The following NCKAP5 variants were observed in gnomAD, a reference collection of about 807,000 sequenced individuals.
NCKAP5 encodes NCK associated protein 5.
Under a neutral mutation model 167.0 loss-of-function variants are expected in NCKAP5, and 92 were observed. The observed-to-expected ratio is 0.55, with a 90% CI of 0.47 to 0.66. The LOEUF (loss-of-function observed/expected upper bound fraction) is 0.66, where lower values mean the gene tolerates loss of function less well. Among genes scored for constraint, NCKAP5 ranks in the 30% least tolerant of loss-of-function variants. NCKAP5 has a pLI of 0.00. For missense variants in NCKAP5, 2,378 were observed against 2,315.0 expected (o/e 1.03, Z -0.56); for synonymous variants, 891 against 877.4 (o/e 1.02, Z -0.27).
intron 6 of NCKAP5, among the ~76,000 whole-genome samples, chr2:133,000,243 T>C (rs948220763): frequency 3.9e-5 from 6 of 152,148 alleles, no homozygotes; most frequent in Non-Finnish European, 7.4e-5. Flanking sequence ...AGAAATTGTG[T>C]CGATTTAAGA....
the NCKAP5 span, among the ~76,000 whole-genome samples, chr2:133,616,479 G>A: frequency 9.8e-3 from 1,478 of 150,924 alleles, 18 homozygotes; most frequent in Admixed American, 0.015. Flanking sequence ...TATCACCACC[G>A]ATCCCACAGA....
intron 8 of NCKAP5, among the ~76,000 whole-genome samples, chr2:132,915,368 C>T (rs149931821): frequency 7.4e-4 from 112 of 152,196 alleles, no homozygotes; most frequent in African/African-American, 2.6e-3. Context: ...GAGGCTGTTT[C>T]CAAACATGAT....
intron 4 of NCKAP5, among the ~76,000 whole-genome samples, chr2:133,302,794 A>AT (rs1680480664): frequency 6.6e-6 from 1 of 151,038 alleles, no homozygotes; most frequent in Admixed American, 6.6e-5. Context: ...AAAAATAAAA[A>AT]TAAAAAAAAT....
rs536719006 is a variant in NCKAP5, at chr2:133,354,755, T to C, written c.70-51645A>G. On this transcript the variant is annotated intron_variant, in intron 3 of 19. Transcript: ENST00000409261. ...AAATAACTTCTAATACATTAAGACA[T>C]TAAAGTTATACAGGAAGCATCCCAA... Among the ~76,000 whole-genome samples, 18 of 152,284 alleles carry C rather than the reference T, an allele frequency of 1.2e-4. No homozygotes were observed. The South Asian group carries it at 3.5e-3, about 30-fold the overall frequency.
chr2:133,141,520 T>A (rs73000810), intron 5 of NCKAP5, among the ~76,000 whole-genome samples: 4,788 of 152,224 alleles, frequency 0.031, 247 homozygotes, highest in African/African-American at 0.11. Flanking sequence ...TATTGGAAAT[T>A]AGAGTATTCG....
intron 8 of NCKAP5, among the ~76,000 whole-genome samples, chr2:132,920,771 G>GTGTGTGTATATATATATATATATATA (rs1219401757): frequency 3.2e-5 from 1 of 31,570 alleles, no homozygotes; most frequent in Non-Finnish European, 6.5e-5. Context: ...ATATATGTAT[G>GTGTGTGTATATATATATATATATATA]TATATATATA....
At chr2:133,580,845 T>C in the NCKAP5 span, among the ~76,000 whole-genome samples, 1 of 152,186 alleles carries the variant, frequency 6.6e-6, no homozygotes, top group African/African-American at 2.4e-5. Flanking sequence ...GTCTTATGAA[T>C]ATATATTCAG....
chr2:132,821,107 A>G (rs1317003228), intron 11 of NCKAP5, among the ~76,000 whole-genome samples: 1 of 152,172 alleles, frequency 6.6e-6, no homozygotes, highest in Non-Finnish European at 1.5e-5. Context: ...TGCTCCAAGA[A>G]CCACCATGAA....
At chr2:133,006,658 G>T (rs2077980245) in intron 6 of NCKAP5, among the ~76,000 whole-genome samples, 1 of 151,412 alleles carries the variant, frequency 6.6e-6, no homozygotes, top group Non-Finnish European at 1.5e-5. Context: ...AGTCATTAAA[G>T]CTTGGAGAGG....
At chr2:133,232,297 A>G (rs902623860) in intron 4 of NCKAP5, among the ~76,000 whole-genome samples, 22 of 152,270 alleles carry the variant, frequency 1.4e-4, no homozygotes, top group African/African-American at 5.1e-4. Context: ...AAAAATATAT[A>G]TAAATTAAAT....
intron 8 of NCKAP5, among the ~76,000 whole-genome samples, chr2:132,893,193 C>T (rs116301505): frequency 0.011 from 1,697 of 152,292 alleles, 22 homozygotes; most frequent in Admixed American, 0.023. Flanking sequence ...CAGGCACACT[C>T]ATGTGCCACT....
chr2:132,857,546 G>A (rs1192972456), intron 11 of NCKAP5, among the ~76,000 whole-genome samples: 2 of 152,170 alleles, frequency 1.3e-5, no homozygotes, highest in African/African-American at 4.8e-5. Flanking sequence ...CTGAGCATCA[G>A]TGAATCCAGA....
In NCKAP5 at chr2:132,783,147, C is replaced by T; in HGVS notation, c.3664G>A (p.Gly1222Arg). The T allele has an allele frequency of 6.2e-7, 1 of 1,613,536 alleles. No individual in the cohort carries two copies. The change falls in exon 14 of 20, where the codon GGG becomes AGG. Residue 1222 changes from glycine (G) to arginine (R), a missense_variant. Transcript: ENST00000409261. ...DSQAQGSLAD[G>R]LPLETALQEP... ...TGTAGTGCTGTTTCCAGGGGAAGCC[C>T]ATCAGCTAAACTGCCCTGTGCTTGT... is the stretch of plus-strand genomic sequence containing the variant.
chr2:132,741,390 A>G (rs1008096789), intron 16 of NCKAP5, among the ~76,000 whole-genome samples: 4 of 152,142 alleles, frequency 2.6e-5, no homozygotes, highest in Non-Finnish European at 4.4e-5. Context: ...ACTTGTACAC[A>G]GTACTTACTG....
chr2:133,477,062 C>T (rs567230484), intron 3 of NCKAP5, among the ~76,000 whole-genome samples: 2 of 152,306 alleles, frequency 1.3e-5, no homozygotes, highest in East Asian at 3.9e-4. Flanking sequence ...AATACTTTCT[C>T]CAAAAGCACT....
chr2:132,986,356 G>A (rs549861748), intron 7 of NCKAP5, among the ~76,000 whole-genome samples: 7 of 152,176 alleles, frequency 4.6e-5, no homozygotes, highest in Non-Finnish European at 7.4e-5. Context: ...ACAGATCTAC[G>A]GACAAGAGGA....
intron 11 of NCKAP5, 143 bp from the exon 12 acceptor site, chr2:132,796,872 T>C: frequency 3.3e-6 from 2 of 606,490 alleles, no homozygotes; most frequent in Non-Finnish European, 5.8e-6. Context: ...TTTATTCTAG[T>C]TTATCAGTGT....
In NCKAP5 at chr2:132,784,760, T is replaced by G. The variant is rs760646251; in HGVS notation, c.2051A>C (p.His684Pro). ...EDGEPIEFSS[H>P]QTGVVTVTRN... ...GGTAACAGTGACAACCCCAGTCTGG[T>G]GAGAGCTGAATTCAATGGGCTCACC... The change falls in exon 14 of 20, where the codon CAC (histidine) becomes CCC (proline). Residue 684 changes from histidine to proline, a missense_variant. Coordinates refer to ENST00000409261, the MANE Select transcript of NCKAP5 (RefSeq NM_207363.3). The G allele has an allele frequency of 6.2e-7, 1 of 1,613,310 alleles. No individual in the cohort carries two copies. Among genetic ancestry groups the G allele is most frequent in the Non-Finnish European group, 8.5e-7 (1 of 1,179,544 alleles).
chr2:133,115,775 G>GTATATATATATATATA (rs10683280), intron 6 of NCKAP5, among the ~76,000 whole-genome samples: 15 of 94,302 alleles, frequency 1.6e-4, no homozygotes, highest in East Asian at 2.9e-4. Flanking sequence ...ATGTGTGTGT[G>GTATATATATATATATA]TATATATATA....
Sources: gnomAD v4.1 joint callset for allele counts (sites outside exome capture counted in the v4.1 genomes callset) on GRCh38, gnomAD v4.1.1 for gene constraint, MANE v1.5 for transcripts, NCBI Gene and HGNC (gene_info 2026-07-23, HGNC 2026-07-21) for gene names.